The following HNF4A variants were observed in gnomAD, a reference collection of about 807,000 sequenced individuals.
The protein encoded by HNF4A is hepatocyte nuclear factor 4 alpha.
A neutral mutation model predicts 52.4 loss-of-function variants in HNF4A; 15 were observed. The observed-to-expected ratio is 0.29, with a 90% confidence interval of 0.19 to 0.44. The LOEUF (loss-of-function observed/expected upper bound fraction) is 0.44, where lower values mean the gene tolerates loss of function less well. Ranked by LOEUF, HNF4A falls within the 20% of genes least tolerant of loss-of-function variation. The probability of loss-of-function intolerance (pLI) is 1.00; values close to 1 mark genes in which losing one functional copy is unlikely to be tolerated. For missense variants in HNF4A, 479 were observed against 647.2 expected (o/e 0.74, Z 2.82); for synonymous variants, 280 against 264.4 (o/e 1.06, Z -0.57).
chr20:44,415,944 CT>C (rs1320981297), intron 5 of HNF4A, among the ~76,000 whole-genome samples: 1 of 152,130 alleles, frequency 6.6e-6, no homozygotes, highest in Non-Finnish European at 1.5e-5. Context: ...GCTGGAGTCT[CT>C]ACATTAATGT....
intron 1 of HNF4A, chr20:44,390,408 G>A (rs1472590178): frequency 4.4e-5 from 23 of 526,392 alleles, no homozygotes; most frequent in Non-Finnish European, 7.4e-5. Context: ...GGCTCTCTAG[G>A]AGCCCCTTGC....
intron 3 of HNF4A, among the ~76,000 whole-genome samples, chr20:44,410,897 G>C (rs11574736): frequency 0.13 from 20,477 of 151,898 alleles, 1,691 homozygotes; most frequent in Non-Finnish European, 0.17. Context: ...ACTTTCTCTC[G>C]ACCACAGAGA....
exon 1 of HNF4A, chr20:44,355,820 G>A (rs2062850800): frequency 6.2e-7 from 1 of 1,613,772 alleles, no homozygotes; most frequent in Non-Finnish European, 8.5e-7. Context: ...CAGCGTGAAC[G>A]CGCCCCTCGG....
chr20:44,376,062 T>A (rs1261805710), intron 1 of HNF4A, among the ~76,000 whole-genome samples: 1 of 151,860 alleles, frequency 6.6e-6, no homozygotes, highest in Non-Finnish European at 1.5e-5. Context: ...CTGACCAACA[T>A]GATGAAACTC....
chr20:44,423,433 C>T (rs944229687), intron 7 of HNF4A, among the ~76,000 whole-genome samples: 1 of 152,144 alleles, frequency 6.6e-6, no homozygotes, highest in Non-Finnish European at 1.5e-5. Context: ...GGAGGGGCCG[C>T]AGAGATTTGG....
chr20:44,421,297 G>A (rs1031686683), intron 7 of HNF4A, among the ~76,000 whole-genome samples: 2 of 152,118 alleles, frequency 1.3e-5, no homozygotes, highest in African/African-American at 4.8e-5. Flanking sequence ...TATACAGAAT[G>A]CATTTGTCAT....
upstream of HNF4A, among the ~76,000 whole-genome samples, chr20:44,397,376 A>G (rs1198363010): frequency 6.6e-6 from 1 of 152,224 alleles, no homozygotes; most frequent in Non-Finnish European, 1.5e-5. Context: ...ATAATTGTAC[A>G]TATATATGGA....
At chr20:44,401,521 T>G in intron 1 of HNF4A, 1 of 1,613,386 alleles carries the variant, frequency 6.2e-7, no homozygotes, top group Non-Finnish European at 8.5e-7. Context: ...GGTGTGCCAG[T>G]GGGGGCAGGT....
At chr20:44,409,997 C>G (rs779020277) in intron 3 of HNF4A, among the ~76,000 whole-genome samples, 18 of 152,308 alleles carry the variant, frequency 1.2e-4, no homozygotes, top group Middle Eastern at 6.8e-3. Flanking sequence ...GCCACCACAC[C>G]TGGCTAATTT....
intron 8 of HNF4A, among the ~76,000 whole-genome samples, chr20:44,425,902 C>T (rs2063809623): frequency 6.6e-6 from 1 of 152,154 alleles, no homozygotes; most frequent in Non-Finnish European, 1.5e-5. Flanking sequence ...TTAAGCAATC[C>T]TTCCGACTTG....
chr20:44,356,677 C>T (rs1289321359), intron 1 of HNF4A, among the ~76,000 whole-genome samples: 3 of 152,112 alleles, frequency 2.0e-5, no homozygotes, highest in Non-Finnish European at 4.4e-5. Context: ...TGTACACACG[C>T]GTATACGTGT....
At position 44,419,703 on chromosome 20, in the gene HNF4A, C is replaced by G; in HGVS notation, c.737-18C>G. 3.8e-6 allele frequency: 6 copies of G among 1,564,802 alleles called. No individual in the cohort carries two copies. The highest frequency in any genetic ancestry group is 5.3e-6 in the Non-Finnish European group (6 of 1,138,578). On this transcript the variant is annotated intron_variant, in intron 6 of 9. Transcript: ENST00000316099. ...CCCAAGGTGACTTCCCATCCTCCCT[C>G]CCTCCCAACCCTTCCAGGCAATGAC...
intron 1 of HNF4A, 68 bp from the exon 2 acceptor site, chr20:44,405,990 G>A (rs370972435): frequency 4.0e-5 from 59 of 1,485,782 alleles, no homozygotes; most frequent in South Asian, 1.7e-4. Context: ...AGAGATCCCC[G>A]CAAGGCTCCC....
rs186414755 is a variant in HNF4A at position 44,413,424 on chromosome 20, A to G, written c.386-270A>G. Reference sequence around the variant, plus strand: ...CCTCAATGCTCAAGACCAATTTTAAACCCATAGCCGAGTCTTCACTGTCTT... The same window carrying G: ...CCTCAATGCTCAAGACCAATTTTAAGCCCATAGCCGAGTCTTCACTGTCTT... On this transcript the variant is annotated intron_variant, in intron 3 of 9. Coordinates refer to ENST00000316099, the MANE Select transcript of HNF4A (RefSeq NM_000457.6). 6.0e-3 allele frequency among the ~76,000 whole-genome samples: 907 copies of G among 151,994 alleles called. 4 individuals carry two copies. The highest frequency in any genetic ancestry group is 0.019 in the African/African-American group (782 of 41,440).
Position 44,401,493 on chromosome 20 carries a change from TG to T in HNF4A, c.115+11del. 6.2e-7 allele frequency: 1 copy of T among 1,614,098 alleles called. No homozygotes were observed. Among genetic ancestry groups the T allele is most frequent in the Middle Eastern group, 1.6e-4 (1 of 6,062 alleles). ...GGTGTTGACGATGGGCAATGGTAGG[TG>T]GGGGCAGATGTGCCCAGGTGTGCCA... On this transcript the variant is annotated splice_region_variant and intron_variant, in intron 1 of 9. Transcript: ENST00000316099.
chr20:44,368,441 A>T (rs1174953516), intron 1 of HNF4A, among the ~76,000 whole-genome samples: 1 of 151,836 alleles, frequency 6.6e-6, no homozygotes, highest in East Asian at 1.9e-4. Context: ...TGCTGGGATT[A>T]TAAGTGTGAG....
At chr20:44,371,264 A>T (rs1208624259) in intron 1 of HNF4A, among the ~76,000 whole-genome samples, 1 of 151,620 alleles carries the variant, frequency 6.6e-6, no homozygotes, top group Admixed American at 6.6e-5. Context: ...TGGCTTTCAA[A>T]CAATTTTTTT....
downstream of HNF4A, chr20:44,433,595 T>C (rs895006923): frequency 1.8e-4 from 28 of 152,304 alleles, no homozygotes; most frequent in African/African-American, 6.8e-4. Flanking sequence ...GTGGGAAGAT[T>C]GCTTCAGCCC....
At chr20:44,424,431 C>G (rs1203315275) in intron 8 of HNF4A, 177 bp downstream of exon 8, 1 of 1,175,118 alleles carries the variant, frequency 8.5e-7, no homozygotes, top group Non-Finnish European at 1.2e-6. Context: ...AGGCAATGGT[C>G]TATTTGTTCA....
Sources: allele counts gnomAD v4.1 joint callset (sites outside exome capture counted in the v4.1 genomes callset), GRCh38; gene constraint gnomAD v4.1.1; transcripts MANE v1.5; gene names NCBI Gene and HGNC (gene_info 2026-07-23, HGNC 2026-07-21).